Variants in FBXO8 observed in about 807,000 individuals in gnomAD.
FBXO8 encodes F-box protein 8.
A neutral mutation model predicts 33.4 loss-of-function variants in FBXO8; 15 were observed. That is an observed-to-expected ratio of 0.45 (90% CI 0.30 to 0.69). The LOEUF is 0.69. Ranked by LOEUF, FBXO8 falls within the 30% of genes least tolerant of loss-of-function variation. The pLI is 0.08. For missense variants in FBXO8, 274 were observed against 380.3 expected (o/e 0.72, Z 2.32); for synonymous variants, 132 against 131.5 (o/e 1.00, Z -0.02).
intron 1 of FBXO8, among the ~76,000 whole-genome samples, chr4:174,268,690 C>A (rs1489717707): frequency 1.3e-5 from 2 of 152,314 alleles, no homozygotes; most frequent in East Asian, 3.9e-4. Context: ...CCCGCCTTGG[C>A]CTCCCAAAGT....
intron 1 of FBXO8, among the ~76,000 whole-genome samples, chr4:174,269,433 C>A (rs1736780578): frequency 6.6e-6 from 1 of 152,026 alleles, no homozygotes; most frequent in Admixed American, 6.6e-5. Flanking sequence ...TGCCTGTAAT[C>A]TCAGCACTTT....
Position 174,278,224 on chromosome 4 carries a change from C to T in FBXO8, c.-9+5186G>A, listed in dbSNP as rs1006666395. Among the ~76,000 whole-genome samples the T allele has an allele frequency of 2.6e-5, 4 of 152,040 alleles. No individual in the cohort carries two copies. The highest frequency in any genetic ancestry group is 5.9e-5 in the Non-Finnish European group (4 of 67,946). The stretch of plus-strand genomic sequence containing the variant: ...GAAATAGCTAAGTACTAAGAGGTCA[C>T]AAGGTACATTGAACACATAAAAAGC... On this transcript the variant is annotated intron_variant, in intron 1 of 5. Coordinates refer to ENST00000393674, the MANE Select transcript of FBXO8 (RefSeq NM_012180.3). The surrounding 1 kb of genome is among the most constrained non-coding windows in gnomAD (Gnocchi z 4.1).
In FBXO8 at chr4:174,274,646, G is replaced by T. The variant is rs182865677; in HGVS notation, c.-9+8764C>A. Among the ~76,000 whole-genome samples the T allele has an allele frequency of 6.6e-6, 1 of 152,202 alleles. No homozygotes were observed. The highest frequency in any genetic ancestry group is 1.5e-5 in the Non-Finnish European group (1 of 68,000). Reference sequence around the variant, plus strand: ...ATAAGGAACTGACTCCACACAATAGGTTACATGAATAAACCCAGTATCAAA... The same window carrying T: ...ATAAGGAACTGACTCCACACAATAGTTTACATGAATAAACCCAGTATCAAA... On this transcript the variant is annotated intron_variant, in intron 1 of 5. Transcript: ENST00000393674. The surrounding 1 kb of genome is among the most constrained non-coding windows in gnomAD (Gnocchi z 4.0).
intron 1 of FBXO8, among the ~76,000 whole-genome samples, chr4:174,282,993 T>C (rs548382531): frequency 2.6e-5 from 4 of 152,326 alleles, no homozygotes; most frequent in African/African-American, 9.6e-5. Flanking sequence ...TTAACTATAC[T>C]TGTGTTTGCA....
chr4:174,264,513 G>A (rs1736643408), intron 1 of FBXO8, among the ~76,000 whole-genome samples: 1 of 151,996 alleles, frequency 6.6e-6, no homozygotes, highest in African/African-American at 2.4e-5. Flanking sequence ...TTTGGGTAAT[G>A]GCCACTAAAT....
Position 174,247,629 on chromosome 4 carries a change from C to T in FBXO8, c.457-6411G>A, listed in dbSNP as rs1032967671. 2.0e-5 allele frequency among the ~76,000 whole-genome samples: 3 copies of T among 151,888 alleles called. No individual in the cohort carries two copies. Among genetic ancestry groups the T allele is most frequent in the African/African-American group, 7.3e-5 (3 of 41,370 alleles). ...TACATTTTAACCACAGTGAAACTAA[C>T]TGAATATATTATTTTTCAAGTATAC... On this transcript the variant is annotated intron_variant, in intron 3 of 5. Transcript: ENST00000393674. This position sits in a 1 kb window ranked among gnomAD's most constrained non-coding sequence, Gnocchi z 4.6.
rs1736194801 is a variant in FBXO8 at position 174,247,829 on chromosome 4, A to G, written c.457-6611T>C. Among the ~76,000 whole-genome samples, 1 of 152,056 alleles carries G rather than the reference A, an allele frequency of 6.6e-6. No individual in the cohort carries two copies. The highest frequency in any genetic ancestry group is 6.6e-5 in the Admixed American group (1 of 15,232). On this transcript the variant is annotated intron_variant, in intron 3 of 5. Transcript: ENST00000393674. This position sits in a 1 kb window ranked among gnomAD's most constrained non-coding sequence, Gnocchi z 4.6. ...AATAGCAGCAGCAATGGTTAAGATG[A>G]CTGCTCTGATACTATTTCTTCTTTT...
rs74921214 is a variant in FBXO8 at position 174,264,207 on chromosome 4, A to G, written c.-8-1107T>C. Among the ~76,000 whole-genome samples the G allele has an allele frequency of 8.5e-5, 13 of 152,328 alleles. No individual in the cohort carries two copies. The East Asian group carries it at 2.3e-3, about 27-fold the overall frequency. ...CGAACTTAAAATATAATGTGGCTTC[A>G]ATTAACTGTTTACAATAAGTACTAA... On this transcript the variant is annotated intron_variant, in intron 1 of 5. Transcript: ENST00000393674.
chr4:174,265,343 T>C lies in FBXO8; in HGVS notation c.-8-2243A>G, dbSNP rs1464774361. Reference sequence around the variant, plus strand: ...TATTTACCTAATTAAAAGCTTTTTATTTAGGTATTTACCTAATTAAAAGCT... The same window carrying C: ...TATTTACCTAATTAAAAGCTTTTTACTTAGGTATTTACCTAATTAAAAGCT... On this transcript the variant is annotated intron_variant, in intron 1 of 5. Coordinates refer to ENST00000393674, the MANE Select transcript of FBXO8 (RefSeq NM_012180.3). The surrounding 1 kb of genome is among the most constrained non-coding windows in gnomAD (Gnocchi z 4.7). Among the ~76,000 whole-genome samples the C allele has an allele frequency of 7.7e-6, 1 of 130,362 alleles. No homozygotes were observed. Among genetic ancestry groups the C allele is most frequent in the Non-Finnish European group, 1.7e-5 (1 of 58,312 alleles). 85.5% of individuals were successfully genotyped at this position (130,362 alleles called of 152,430 possible).
chr4:174,240,933 C>A (rs1254922004), intron 4 of FBXO8, among the ~76,000 whole-genome samples, 167 bp downstream of exon 4: 1 of 151,628 alleles, frequency 6.6e-6, no homozygotes, highest in Non-Finnish European at 1.5e-5. Context: ...ATCAACAAGT[C>A]AAAGCTCACG....
Position 174,252,083 on chromosome 4 carries a change from C to G in FBXO8, c.456+7616G>C, listed in dbSNP as rs1303463296. Among the ~76,000 whole-genome samples, 1 of 152,118 alleles carries G rather than the reference C, an allele frequency of 6.6e-6. No individual in the cohort carries two copies. Among genetic ancestry groups the G allele is most frequent in the Non-Finnish European group, 1.5e-5 (1 of 68,026 alleles). ...TCCTGGACTCAAGTGATCCTCCCAC[C>G]TCAGCCCCCTAAGTAGCTGCGACTC... On this transcript the variant is annotated intron_variant, in intron 3 of 5. Transcript: ENST00000393674. The surrounding 1 kb of genome is among the most constrained non-coding windows in gnomAD (Gnocchi z 5.1).
intron 1 of FBXO8, among the ~76,000 whole-genome samples, chr4:174,280,819 C>CG (rs1282613311): frequency 6.6e-6 from 1 of 152,094 alleles, no homozygotes; most frequent in Non-Finnish European, 1.5e-5. Context: ...CAAACACTTC[C>CG]GGTTTCCAAA....
rs1737077761 is a variant in FBXO8, at chr4:174,281,133, A to C, written c.-9+2277T>G. Among the ~76,000 whole-genome samples, 1 of 152,232 alleles carries C rather than the reference A, an allele frequency of 6.6e-6. No homozygotes were observed. The highest frequency in any genetic ancestry group is 6.5e-5 in the Admixed American group (1 of 15,286). On this transcript the variant is annotated intron_variant, in intron 1 of 5. Transcript: ENST00000393674. This position sits in a 1 kb window ranked among gnomAD's most constrained non-coding sequence, Gnocchi z 4.6. ...CTCTGAAAAACAAATTAATAAATAA[A>C]AGAAGAGATGATGGCGTGCGTGTGT...
chr4:174,279,400 T>C (rs999435187), intron 1 of FBXO8, among the ~76,000 whole-genome samples: 2 of 152,026 alleles, frequency 1.3e-5, no homozygotes, highest in African/African-American at 2.4e-5. Flanking sequence ...TGGTTACAGA[T>C]TGGAAGACTT....
rs1394756486 is a variant in FBXO8 at position 174,245,539 on chromosome 4, T to C, written c.457-4321A>G. ...GGAGAGTAAATGTACAACCAGACTA[T>C]GACAGTGACAGAAATAGTGCTGAAT... On this transcript the variant is annotated intron_variant, in intron 3 of 5. Coordinates refer to ENST00000393674, the MANE Select transcript of FBXO8 (RefSeq NM_012180.3). The surrounding 1 kb of genome is among the most constrained non-coding windows in gnomAD (Gnocchi z 4.6). Among the ~76,000 whole-genome samples, 1 of 151,896 alleles carries C rather than the reference T, an allele frequency of 6.6e-6. No individual in the cohort carries two copies. The highest frequency in any genetic ancestry group is 6.6e-5 in the Admixed American group (1 of 15,174).
In FBXO8 at chr4:174,270,746, G is replaced by C. The variant is rs1736819932; in HGVS notation, c.-8-7646C>G. On this transcript the variant is annotated intron_variant, in intron 1 of 5. Coordinates refer to ENST00000393674, the MANE Select transcript of FBXO8 (RefSeq NM_012180.3). This position sits in a 1 kb window ranked among gnomAD's most constrained non-coding sequence, Gnocchi z 4.6. ...ATTCTCCTGTCTCAGCCTCCCGAGT[G>C]CTGGGATTACAGGCACCTGCCACCA... Among the ~76,000 whole-genome samples the C allele has an allele frequency of 6.6e-6, 1 of 151,766 alleles. No homozygotes were observed. Among genetic ancestry groups the C allele is most frequent in the Admixed American group, 6.6e-5 (1 of 15,238 alleles).
chr4:174,271,032 G>A (rs1736826756), intron 1 of FBXO8, among the ~76,000 whole-genome samples: 1 of 151,440 alleles, frequency 6.6e-6, no homozygotes, highest in Admixed American at 6.6e-5. Context: ...AACTTTTTTG[G>A]AAAAAAATCT....
chr4:174,236,675 A>T lies in FBXO8; in HGVS notation c.*737T>A, dbSNP rs1477974078. 1.3e-5 allele frequency: 2 copies of T among 152,190 alleles called. No homozygotes were observed. Among genetic ancestry groups the T allele is most frequent in the African/African-American group, 4.8e-5 (2 of 41,464 alleles). The allele number at this position is 152,190 out of a possible 1,614,324, so 9.4% of individuals were successfully genotyped here. On this transcript the variant is annotated 3_prime_UTR_variant, in exon 6 of 6. Coordinates refer to ENST00000393674, the MANE Select transcript of FBXO8 (RefSeq NM_012180.3). ...AGCAAACATTTACCAGAGTTCTAATAATATTTTATTTTATTCCTATGAATG... is the reference window on the plus strand; with the variant it reads ...AGCAAACATTTACCAGAGTTCTAATTATATTTTATTTTATTCCTATGAATG...
intron 3 of FBXO8, among the ~76,000 whole-genome samples, chr4:174,248,980 T>C (rs572407668): frequency 6.6e-6 from 1 of 152,094 alleles, no homozygotes; most frequent in Non-Finnish European, 1.5e-5. Context: ...GGACAGGTCT[T>C]CCTGCTTATT....
Sources: allele counts gnomAD v4.1 joint callset (sites outside exome capture counted in the v4.1 genomes callset), GRCh38; gene constraint gnomAD v4.1.1; non-coding constraint Gnocchi (gnomAD v3.1); transcripts MANE v1.5; gene names NCBI Gene and HGNC (gene_info 2026-07-23, HGNC 2026-07-21).